Variants in NELL2 observed in about 807,000 individuals in gnomAD.
NELL2 encodes protein kinase C-binding protein NELL2.
A neutral mutation model predicts 109.6 loss-of-function variants in NELL2; 41 were observed. The observed-to-expected ratio is 0.37, with a 90% confidence interval of 0.29 to 0.49. The LOEUF is 0.49. Ranked by LOEUF, NELL2 falls within the 20% of genes least tolerant of loss-of-function variation. The pLI is 0.98. For synonymous variants in NELL2, 355 were observed against 344.7 expected, an observed-to-expected ratio of 1.03 and a Z score of -0.33; for missense variants, 900 against 1,008.3, an observed-to-expected ratio of 0.89 and a Z score of 1.45.
intron 8 of NELL2, among the ~76,000 whole-genome samples, chr12:44,775,255 GCACACA>G (rs146916774): frequency 6.7e-6 from 1 of 149,684 alleles, no homozygotes. Context: ...GCGTGCGCAC[GCACACA>G]CACACACACA....
rs141231365 is a variant in NELL2, at chr12:44,609,583, G to A, written c.1567+1265C>T. On this transcript the variant is annotated intron_variant, in intron 14 of 19. Coordinates refer to ENST00000429094, the MANE Select transcript of NELL2 (RefSeq NM_001145108.2). ...CTGTACTATACTTTACATTCTAAAA[G>A]TCTAGCTTTTCTCAGGATTTGTTTA... Among the ~76,000 whole-genome samples, 1,250 of 152,216 alleles carry A rather than the reference G, an allele frequency of 8.2e-3. 7 individuals are homozygous for A. Among genetic ancestry groups the A allele is most frequent in the Middle Eastern group, 0.027 (8 of 294 alleles).
At chr12:44,903,777 C>T (rs1945689112) in intron 1 of NELL2, among the ~76,000 whole-genome samples, 1 of 151,470 alleles carries the variant, frequency 6.6e-6, no homozygotes, top group Non-Finnish European at 1.5e-5. Flanking sequence ...TCTCAGCAAA[C>T]TAACACAGGA....
upstream of NELL2, among the ~76,000 whole-genome samples, chr12:44,914,595 A>G (rs1945812522): frequency 1.3e-5 from 2 of 152,208 alleles, no homozygotes; most frequent in African/African-American, 4.8e-5. Flanking sequence ...TGTCTCTTCA[A>G]TAGAATGAAA....
chr12:44,536,809 C>G (rs907408760), intron 15 of NELL2, among the ~76,000 whole-genome samples: 2 of 151,738 alleles, frequency 1.3e-5, no homozygotes, highest in African/African-American at 4.8e-5. Flanking sequence ...AAAATGCTGT[C>G]CAAAAGCACA....
chr12:44,645,055 T>C (rs1172718778), intron 13 of NELL2, among the ~76,000 whole-genome samples: 9 of 151,828 alleles, frequency 5.9e-5, no homozygotes, highest in Non-Finnish European at 2.9e-5. Context: ...GAGGGAAGAA[T>C]TATGTTTCAA....
intron 12 of NELL2, among the ~76,000 whole-genome samples, chr12:44,681,300 C>T (rs1416409150): frequency 6.7e-6 from 1 of 150,056 alleles, no homozygotes; most frequent in Non-Finnish European, 1.5e-5. Flanking sequence ...AACGTTGAAA[C>T]ACTGTATACG....
At chr12:44,887,252 A>G (rs1449195932) in intron 1 of NELL2, among the ~76,000 whole-genome samples, 1 of 151,960 alleles carries the variant, frequency 6.6e-6, no homozygotes, top group Non-Finnish European at 1.5e-5. Context: ...CCTGGGCTTA[A>G]GCGAACTTCC....
chr12:44,699,883 C>A (rs1261542469), intron 12 of NELL2, among the ~76,000 whole-genome samples: 1 of 152,132 alleles, frequency 6.6e-6, no homozygotes, highest in African/African-American at 2.4e-5. Context: ...ATAATCTTTT[C>A]TATAAAATGC....
chr12:44,644,102 G>GA (rs1481111245), intron 13 of NELL2, among the ~76,000 whole-genome samples: 1 of 152,118 alleles, frequency 6.6e-6, no homozygotes, highest in Non-Finnish European at 1.5e-5. Flanking sequence ...GCTATTGATA[G>GA]ACTATGAACA....
chr12:44,824,474 C>G (rs949994468), intron 2 of NELL2, among the ~76,000 whole-genome samples: 2 of 151,958 alleles, frequency 1.3e-5, no homozygotes, highest in Non-Finnish European at 2.9e-5. Flanking sequence ...TGTGGATATC[C>G]AGTTTTCCCA....
intron 9 of NELL2, among the ~76,000 whole-genome samples, chr12:44,742,874 G>C (rs11182627): frequency 6.6e-6 from 1 of 152,094 alleles, no homozygotes; most frequent in East Asian, 1.9e-4. Flanking sequence ...TGGAAAACAC[G>C]ATGCAGGATA....
chr12:44,642,608 G>A (rs142879576), intron 13 of NELL2, among the ~76,000 whole-genome samples: 44 of 152,306 alleles, frequency 2.9e-4, no homozygotes, highest in Admixed American at 7.8e-4. Context: ...GTGGCCGGGC[G>A]TGGTGGATCA....
chr12:44,561,355 AGGGTATT>A, intron 15 of NELL2, among the ~76,000 whole-genome samples: 1 of 152,314 alleles, frequency 6.6e-6, no homozygotes, highest in East Asian at 1.9e-4. Context: ...AAAGCAATAA[AGGGTATT>A]CAAATAGGAA....
intron 15 of NELL2, among the ~76,000 whole-genome samples, chr12:44,578,900 T>C (rs1436783564): frequency 6.6e-6 from 1 of 152,212 alleles, no homozygotes; most frequent in Non-Finnish European, 1.5e-5. Flanking sequence ...AAAAGCCTAC[T>C]TTCTCTGTCT....
chr12:44,565,812 G>T (rs550234378), intron 15 of NELL2, among the ~76,000 whole-genome samples: 45 of 152,280 alleles, frequency 3.0e-4, no homozygotes, highest in African/African-American at 1.0e-3. Flanking sequence ...TATTGTGAAA[G>T]GGAACAGTCT....
At chr12:44,512,851 T>C (rs551166473) in intron 19 of NELL2, among the ~76,000 whole-genome samples, 7 of 152,082 alleles carry the variant, frequency 4.6e-5, no homozygotes, top group Middle Eastern at 3.4e-3. Flanking sequence ...GGTTAAAGTA[T>C]ACAAAATTAC....
chr12:44,711,479 C>T, intron 10 of NELL2, 85 bp from the exon 11 acceptor site: 2 of 1,170,642 alleles, frequency 1.7e-6, no homozygotes, highest in Non-Finnish European at 2.5e-6. Context: ...TGAGAAGACT[C>T]TTTTAAGATC....
intron 9 of NELL2, among the ~76,000 whole-genome samples, chr12:44,729,667 T>G (rs1939265798): frequency 6.6e-6 from 1 of 151,202 alleles, no homozygotes; most frequent in South Asian, 2.1e-4. Flanking sequence ...GAAACATATA[T>G]TTCATGCAAA....
chr12:44,861,060 A>G (rs1057163889), intron 2 of NELL2, among the ~76,000 whole-genome samples: 2 of 152,152 alleles, frequency 1.3e-5, no homozygotes, highest in Admixed American at 1.3e-4. Context: ...ACACATAACA[A>G]TATACCATCA....
Sources: gnomAD v4.1 joint callset for allele counts (sites outside exome capture counted in the v4.1 genomes callset) on GRCh38, gnomAD v4.1.1 for gene constraint, MANE v1.5 for transcripts, NCBI Gene and HGNC (gene_info 2026-07-23, HGNC 2026-07-21) for gene names.